Variants in IKBKB observed in about 807,000 individuals in gnomAD.
IKBKB encodes inhibitor of nuclear factor kappa B kinase subunit beta, also known as inhibitor of nuclear factor kappa-B kinase subunit beta.
Under a neutral mutation model 113.6 loss-of-function variants are expected in IKBKB, and 42 were observed. That is an observed-to-expected ratio of 0.37 (90% CI 0.29 to 0.48). The LOEUF (loss-of-function observed/expected upper bound fraction) is 0.48. Among genes scored for constraint, IKBKB ranks in the 20% least tolerant of loss-of-function variants. The pLI, the probability that IKBKB is intolerant of heterozygous loss-of-function variation, is 0.99. For synonymous variants in IKBKB, 296 were observed against 361.3 expected, an observed-to-expected ratio of 0.82 and a Z score of 2.05; for missense variants, 673 against 939.7, an observed-to-expected ratio of 0.72 and a Z score of 3.71.
chr8:42,330,607 T>C lies in IKBKB; in HGVS notation c.2206-307T>C, dbSNP rs1821588111. On this transcript the variant is annotated intron_variant, in intron 21 of 21. Coordinates refer to ENST00000520810, the MANE Select transcript of IKBKB (RefSeq NM_001556.3). Reference sequence around the variant, plus strand: ...CTCACTGCAACCCCTACCTCCCAGGTTCAAGTGATTCTCCTGCCTCAGCCT... The same window carrying C: ...CTCACTGCAACCCCTACCTCCCAGGCTCAAGTGATTCTCCTGCCTCAGCCT... 4.6e-5 allele frequency among the ~76,000 whole-genome samples: 7 copies of C among 152,186 alleles called. No homozygotes were observed. In the South Asian group the frequency reaches 1.4e-3, roughly 32 times the overall value.
At chr8:42,321,836 A>G in intron 16 of IKBKB, 60 bp from the exon 17 acceptor site, 1 of 1,292,642 alleles carries the variant, frequency 7.7e-7, no homozygotes. Context: ...CTACCAAAAA[A>G]ATGTAAAAAT....
rs17875748 is a variant in IKBKB, at chr8:42,320,583, C to T, written c.1579-152C>T. ...CGGTGGACCCTAGATGCAGGCGCAG[C>T]CATTCAGACCCCACAGTCCACATTC... is the stretch of plus-strand genomic sequence containing the variant. On this transcript the variant is annotated intron_variant, in intron 15 of 21. Coordinates refer to ENST00000520810, the MANE Select transcript of IKBKB (RefSeq NM_001556.3). 20,818 of 611,132 alleles carry T rather than the reference C, an allele frequency of 0.034. 528 individuals are homozygous for T. The highest frequency in any genetic ancestry group is 0.042 in the Non-Finnish European group (14,568 of 349,116). The allele number at this position is 611,132 out of a possible 1,614,324, so 37.9% of individuals were successfully genotyped here. A position where few individuals can be genotyped will look rare whatever the true frequency, so the allele number is the denominator to read the frequency against.
At chr8:42,273,483 G>A (rs906853060) in intron 2 of IKBKB, among the ~76,000 whole-genome samples, 9 of 151,602 alleles carry the variant, frequency 5.9e-5, no homozygotes, top group Admixed American at 2.6e-4. Context: ...TATTGCTTGC[G>A]ATACTGCACG....
chr8:42,319,822 GA>G (rs1404249626), intron 15 of IKBKB, 176 bp downstream of exon 15: 4 of 584,492 alleles, frequency 6.8e-6, no homozygotes, highest in Non-Finnish European at 1.2e-5. Flanking sequence ...CCAGTGAAGG[GA>G]GCCCCTCTGT....
intron 2 of IKBKB, among the ~76,000 whole-genome samples, chr8:42,277,644 C>T (rs755077929): frequency 6.6e-6 from 1 of 152,228 alleles, no homozygotes; most frequent in African/African-American, 2.4e-5. Context: ...CCCTCCTCCA[C>T]ATTCCTCCAG....
chr8:42,291,622 G>T (rs1812661462), intron 4 of IKBKB, among the ~76,000 whole-genome samples: 1 of 152,216 alleles, frequency 6.6e-6, no homozygotes, highest in Non-Finnish European at 1.5e-5. Flanking sequence ...CACTTCAGGT[G>T]CTGTTCTCAC....
intron 2 of IKBKB, among the ~76,000 whole-genome samples, chr8:42,274,150 C>T (rs1312040236): frequency 6.6e-6 from 1 of 151,868 alleles, no homozygotes; most frequent in Non-Finnish European, 1.5e-5. Flanking sequence ...CCTGCCTCAG[C>T]CTCCTGAGTA....
chr8:42,297,722 C>T (rs1814185290), intron 5 of IKBKB, among the ~76,000 whole-genome samples: 1 of 152,062 alleles, frequency 6.6e-6, no homozygotes. Flanking sequence ...TGGTGAAACC[C>T]CATCTCTACT....
intron 5 of IKBKB, among the ~76,000 whole-genome samples, chr8:42,299,290 C>T (rs564820011): frequency 6.6e-6 from 1 of 152,310 alleles, no homozygotes; most frequent in South Asian, 2.1e-4. Flanking sequence ...TCTGCTGATT[C>T]AATGTCAGAG....
At chr8:42,275,735 C>T (rs984281188) in intron 2 of IKBKB, among the ~76,000 whole-genome samples, 3 of 152,202 alleles carry the variant, frequency 2.0e-5, no homozygotes, top group East Asian at 3.8e-4. Flanking sequence ...GTGAATAGTG[C>T]TGCAGTAAAC....
chr8:42,272,843 G>A (rs1808082284), intron 2 of IKBKB, among the ~76,000 whole-genome samples: 2 of 151,844 alleles, frequency 1.3e-5, no homozygotes, highest in South Asian at 4.2e-4. Context: ...GGGAGGCTGA[G>A]GCAGGAGAAT....
At chr8:42,294,938 A>G (rs1281519647) in intron 5 of IKBKB, among the ~76,000 whole-genome samples, 2 of 152,088 alleles carry the variant, frequency 1.3e-5, no homozygotes, top group African/African-American at 2.4e-5. Context: ...AATTGGGTTG[A>G]AGGCAGGTTA....
chr8:42,331,132 G>A lies in IKBKB; in HGVS notation c.*153G>A. 1 of 1,129,356 alleles carries A rather than the reference G, an allele frequency of 8.9e-7. No individual in the cohort carries two copies. The highest frequency in any genetic ancestry group is 1.3e-6 in the Non-Finnish European group (1 of 778,266). The allele number at this position is 1,129,356 out of a possible 1,614,324, so 70.0% of individuals were successfully genotyped here. A position where few individuals can be genotyped will look rare whatever the true frequency, so the allele number is the denominator to read the frequency against. ...CTCACATGGTGGTTCCTGCTGCACT[G>A]ATGGCCCAGGGGTCTCTGGTATCCA... On this transcript the variant is annotated 3_prime_UTR_variant, in exon 22 of 22. Coordinates refer to ENST00000520810, the MANE Select transcript of IKBKB (RefSeq NM_001556.3).
At chr8:42,287,066 C>A (rs1811558624) in intron 2 of IKBKB, among the ~76,000 whole-genome samples, 1 of 151,664 alleles carries the variant, frequency 6.6e-6, no homozygotes, top group South Asian at 2.2e-4. Context: ...TCTTGGAGAC[C>A]CCCCCATAGC....
intron 9 of IKBKB, among the ~76,000 whole-genome samples, chr8:42,315,331 C>T (rs772167375): frequency 4.6e-5 from 7 of 152,018 alleles, no homozygotes; most frequent in Non-Finnish European, 8.8e-5. Flanking sequence ...TATGGAATGA[C>T]GTGGGATAAG....
intron 8 of IKBKB, among the ~76,000 whole-genome samples, chr8:42,310,638 C>T (rs1817535734): frequency 1.3e-5 from 2 of 152,132 alleles, no homozygotes; most frequent in South Asian, 4.2e-4. Context: ...CTCATTTTTG[C>T]CAGATTAACT....
chr8:42,314,602 C>T (rs1818326783), intron 9 of IKBKB, among the ~76,000 whole-genome samples, 173 bp downstream of exon 9: 1 of 151,970 alleles, frequency 6.6e-6, no homozygotes, highest in South Asian at 2.1e-4. Flanking sequence ...TGGTGAAACC[C>T]CGTCTCTACT....
chr8:42,293,617 C>T, intron 5 of IKBKB, 105 bp downstream of exon 5: 1 of 1,594,270 alleles, frequency 6.3e-7, no homozygotes, highest in Non-Finnish European at 8.5e-7. Context: ...CCTTTGGTCT[C>T]TGTGGAAGGG....
chr8:42,316,733 C>A lies in IKBKB; in HGVS notation c.954C>A (p.Val318=). ...NLKLVHILNM[V]TGTIHTYPVT... ...AGCTGGTTCATATCTTGAACATGGT[C>A]ACGGGCACCATCCACACCTACCCTG... is the stretch of plus-strand genomic sequence containing the variant. Residue 318 remains valine (V), a synonymous_variant, in exon 11 of 22, where the codon GTC becomes GTA. Transcript: ENST00000520810. This position sits in a 1 kb window ranked among gnomAD's most constrained non-coding sequence, Gnocchi z 4.5. The A allele has an allele frequency of 2.5e-6, 4 of 1,613,198 alleles. No homozygotes were observed. The South Asian group carries it at 4.4e-5, about 18-fold the overall frequency.
Sources: gnomAD v4.1 joint callset for allele counts (sites outside exome capture counted in the v4.1 genomes callset) on GRCh38, gnomAD v4.1.1 for gene constraint, Gnocchi (gnomAD v3.1) non-coding constraint, MANE v1.5 for transcripts, NCBI Gene and HGNC (gene_info 2026-07-23, HGNC 2026-07-21) for gene names.